The following ZNF536 variants were observed in gnomAD, a reference collection of about 807,000 sequenced individuals.
ZNF536 encodes the protein zinc finger protein 536.
ZNF536 carries 13 observed loss-of-function variants against 84.5 expected under a neutral mutation model. The ratio of observed to expected loss-of-function variants is 0.15; its 90% CI spans 0.10 to 0.24. The LOEUF (loss-of-function observed/expected upper bound fraction) is 0.24, where lower values mean the gene tolerates loss of function less well. Among genes scored for constraint, ZNF536 ranks in the 10% least tolerant of loss-of-function variants. The pLI, the probability that ZNF536 is intolerant of heterozygous loss-of-function variation, is 1.00. For synonymous variants in ZNF536, 811 were observed against 742.5 expected (o/e 1.09, Z -1.50); for missense variants, 1,536 against 1,747.5 (o/e 0.88, Z 2.16).
intron 1 of ZNF536, among the ~76,000 whole-genome samples, chr19:30,575,819 G>A (rs188469161): frequency 6.6e-6 from 1 of 152,328 alleles, no homozygotes; most frequent in Non-Finnish European, 1.5e-5. Context: ...AGGATGTGGG[G>A]CGCACACTTG....
Position 30,485,470 on chromosome 19 carries a change from G to A in ZNF536, c.2170+39738G>A, listed in dbSNP as rs80182897. Among the ~76,000 whole-genome samples, 1,183 of 152,178 alleles carry A rather than the reference G, an allele frequency of 7.8e-3. 15 individuals carry two copies. Among genetic ancestry groups the A allele is most frequent in the African/African-American group, 0.027 (1,112 of 41,532 alleles). The stretch of plus-strand genomic sequence containing the variant: ...TAGCAACTCCCAGCCCAAGACAACC[G>A]CACATCTCTTTCCTGTCACTATAGA... On this transcript the variant is annotated intron_variant, in intron 2 of 4. Coordinates refer to ENST00000355537, the MANE Select transcript of ZNF536 (RefSeq NM_014717.3).
At chr19:30,307,813 T>C (rs1334669781) in intron 2 of ZNF536, among the ~76,000 whole-genome samples, 3 of 152,228 alleles carry the variant, frequency 2.0e-5, no homozygotes, top group East Asian at 1.9e-4. Context: ...GACATTTTCT[T>C]CTCACTGTGT....
At chr19:30,677,007 A>G (rs909093848) in intron 1 of ZNF536, among the ~76,000 whole-genome samples, 1 of 152,192 alleles carries the variant, frequency 6.6e-6, no homozygotes, top group African/African-American at 2.4e-5. Context: ...CACCCAGTCA[A>G]ATATTGAGTT....
intron 3 of ZNF536, among the ~76,000 whole-genome samples, chr19:30,357,694 A>G (rs980071624): frequency 2.0e-5 from 3 of 152,072 alleles, no homozygotes; most frequent in African/African-American, 7.2e-5. Context: ...AGGGCCCGGT[A>G]GCTCCTCAGG....
At chr19:30,343,766 T>C (rs10421846) in intron 2 of ZNF536, among the ~76,000 whole-genome samples, 98,573 of 151,922 alleles carry the variant, frequency 0.65, 33,199 homozygotes, top group African/African-American at 0.82. Context: ...CACTAGGAGA[T>C]GGTAACCTAT....
intron 1 of ZNF536, among the ~76,000 whole-genome samples, chr19:30,619,544 A>G (rs1349728436): frequency 6.6e-6 from 1 of 152,206 alleles, no homozygotes; most frequent in African/African-American, 2.4e-5. Flanking sequence ...TGAGGGATGA[A>G]GTAGAAAGAG....
At chr19:30,679,577 C>G (rs1455760838) in intron 1 of ZNF536, among the ~76,000 whole-genome samples, 1 of 152,154 alleles carries the variant, frequency 6.6e-6, no homozygotes, top group Non-Finnish European at 1.5e-5. Flanking sequence ...AACGTCACCT[C>G]TTTACATCCA....
chr19:30,410,705 C>T (rs1357682429), intron 1 of ZNF536, among the ~76,000 whole-genome samples: 1 of 151,956 alleles, frequency 6.6e-6, no homozygotes, highest in African/African-American at 2.4e-5. Context: ...GTCTCGATCT[C>T]CTGACCTCGT....
At chr19:30,606,477 A>C (rs1662739881) in intron 1 of ZNF536, among the ~76,000 whole-genome samples, 1 of 152,050 alleles carries the variant, frequency 6.6e-6, no homozygotes, top group South Asian at 2.1e-4. Flanking sequence ...GATGGAGTGC[A>C]GATTTAGTTC....
At chr19:30,649,125 C>T (rs1047221409) in intron 1 of ZNF536, among the ~76,000 whole-genome samples, 1 of 152,196 alleles carries the variant, frequency 6.6e-6, no homozygotes, top group African/African-American at 2.4e-5. Context: ...ACAGGGAGGA[C>T]AGTCCTCTGT....
At chr19:30,381,981 G>A (rs946483839) in intron 1 of ZNF536, among the ~76,000 whole-genome samples, 1 of 152,164 alleles carries the variant, frequency 6.6e-6, no homozygotes, top group Non-Finnish European at 1.5e-5. Context: ...TTTTGGAAGA[G>A]AACAAGCAGA....
chr19:30,664,195 T>A (rs2050219111), intron 1 of ZNF536, among the ~76,000 whole-genome samples: 1 of 148,406 alleles, frequency 6.7e-6, no homozygotes, highest in African/African-American at 2.5e-5. Flanking sequence ...GAGGAATTCT[T>A]GCTGAGTTTT....
At chr19:30,343,335 A>ATG (rs1460686256) in intron 2 of ZNF536, among the ~76,000 whole-genome samples, 1 of 152,196 alleles carries the variant, frequency 6.6e-6, no homozygotes, top group Non-Finnish European at 1.5e-5. Context: ...AAACCTCTGC[A>ATG]TGTGTGTATA....
At chr19:30,610,826 T>C (rs1278588886) in intron 1 of ZNF536, among the ~76,000 whole-genome samples, 5 of 152,190 alleles carry the variant, frequency 3.3e-5, no homozygotes, top group Non-Finnish European at 7.3e-5. Context: ...GAGCTGCTTC[T>C]AGCCATGAGA....
At chr19:30,689,581 C>T (rs1170917407) in intron 1 of ZNF536, among the ~76,000 whole-genome samples, 1 of 152,158 alleles carries the variant, frequency 6.6e-6, no homozygotes, top group East Asian at 1.9e-4. Flanking sequence ...GAAATGTTAT[C>T]AAAATGAGGA....
rs575640148 is a variant in ZNF536, at chr19:30,410,415, A to C, written c.-2-33146A>C. 2.0e-5 allele frequency among the ~76,000 whole-genome samples: 3 copies of C among 151,942 alleles called. No individual in the cohort carries two copies. The South Asian group carries it at 6.2e-4, about 32-fold the overall frequency. On this transcript the variant is annotated intron_variant, in intron 1 of 4. Coordinates refer to ENST00000355537, the MANE Select transcript of ZNF536 (RefSeq NM_014717.3). ...TTTGTTCTTTGAAATTTATAAATAA[A>C]ATAACTTTAAAAAATTATTTGAAAT...
chr19:30,531,408 C>G (rs1338206440), intron 2 of ZNF536, among the ~76,000 whole-genome samples: 3 of 150,288 alleles, frequency 2.0e-5, no homozygotes, highest in Non-Finnish European at 3.0e-5. Flanking sequence ...AGAAATATGC[C>G]CTCTCTCATT....
intron 1 of ZNF536, among the ~76,000 whole-genome samples, chr19:30,270,791 C>A (rs1357029771): frequency 1.3e-5 from 2 of 148,658 alleles, no homozygotes; most frequent in Non-Finnish European, 3.0e-5. Context: ...TTTTCTAAAG[C>A]TATGTGCTAG....
chr19:30,426,992 C>T (rs2147925039), intron 1 of ZNF536, among the ~76,000 whole-genome samples: 1 of 152,104 alleles, frequency 6.6e-6, no homozygotes, highest in Admixed American at 6.5e-5. Flanking sequence ...TGTATCCATC[C>T]ATCCATCCAT....
Sources: gnomAD v4.1 joint callset for allele counts (sites outside exome capture counted in the v4.1 genomes callset) on GRCh38, gnomAD v4.1.1 for gene constraint, MANE v1.5 for transcripts, NCBI Gene and HGNC (gene_info 2026-07-23, HGNC 2026-07-21) for gene names.